Variants in FAM135B observed in about 807,000 individuals in gnomAD.
FAM135B encodes family with sequence similarity 135 member B, also known as protein FAM135B.
Under a neutral mutation model 127.7 loss-of-function variants are expected in FAM135B, and 43 were observed. That is an observed-to-expected ratio of 0.34 (90% CI 0.26 to 0.43). The LOEUF (loss-of-function observed/expected upper bound fraction) is 0.43, where lower values mean the gene tolerates loss of function less well. FAM135B is among the 20% of genes least tolerant of loss of function. The pLI is 1.00. For missense variants in FAM135B, 1,558 were observed against 1,725.6 expected, an observed-to-expected ratio of 0.90 and a Z score of 1.72; for synonymous variants, 670 against 665.1, an observed-to-expected ratio of 1.01 and a Z score of -0.11.
chr8:138,246,513 G>C (rs1049789594), intron 6 of FAM135B, among the ~76,000 whole-genome samples: 2 of 152,184 alleles, frequency 1.3e-5, no homozygotes, highest in African/African-American at 2.4e-5. Context: ...TTGATGTTGA[G>C]CCTGCAGGTG....
At chr8:138,217,532 A>T (rs998209180) in intron 7 of FAM135B, among the ~76,000 whole-genome samples, 1 of 148,964 alleles carries the variant, frequency 6.7e-6, no homozygotes, top group East Asian at 2.0e-4. Context: ...CCAGGTTCAC[A>T]CCATTCTCCT....
At chr8:138,390,448 C>T (rs141920094) in intron 1 of FAM135B, among the ~76,000 whole-genome samples, 558 of 152,088 alleles carry the variant, frequency 3.7e-3, no homozygotes, top group Non-Finnish European at 5.8e-3. Context: ...TGAGGCCTCC[C>T]CACCCACATG....
chr8:138,363,590 A>G (rs1012682093), intron 2 of FAM135B, among the ~76,000 whole-genome samples: 2 of 152,164 alleles, frequency 1.3e-5, no homozygotes, highest in Admixed American at 6.5e-5. Flanking sequence ...GTGTCAGTCC[A>G]TATAGACTTT....
intron 6 of FAM135B, among the ~76,000 whole-genome samples, chr8:138,246,439 G>C (rs1011308570): frequency 6.6e-6 from 1 of 152,200 alleles, no homozygotes; most frequent in South Asian, 2.1e-4. Flanking sequence ...GGCTAAAAGG[G>C]GCCAAGGTAT....
chr8:138,195,188 G>T, intron 9 of FAM135B, 70 bp downstream of exon 9: 1 of 1,475,114 alleles, frequency 6.8e-7, no homozygotes, highest in Non-Finnish European at 9.4e-7. Context: ...TTTACAGCAA[G>T]CAAGCAACTG....
intron 6 of FAM135B, 32 bp downstream of exon 6, chr8:138,250,809 C>G (rs1473780909): frequency 6.2e-7 from 1 of 1,609,020 alleles, no homozygotes; most frequent in African/African-American, 1.3e-5. Context: ...AAGGTGGCTC[C>G]CACATATCAG....
At chr8:138,200,330 T>C (rs1441769623) in intron 7 of FAM135B, among the ~76,000 whole-genome samples, 2 of 152,206 alleles carry the variant, frequency 1.3e-5, no homozygotes, top group African/African-American at 4.8e-5. Context: ...TTCACATTTC[T>C]ACAACTTTCC....
chr8:138,319,088 T>G (rs977223262), intron 2 of FAM135B, among the ~76,000 whole-genome samples: 6 of 318 alleles, frequency 0.019, no homozygotes, highest in South Asian at 0.25. Flanking sequence ...ATCTACAAGT[T>G]TTTTTTTTTT....
intron 1 of FAM135B, among the ~76,000 whole-genome samples, chr8:138,390,116 T>G (rs559735549): frequency 6.6e-6 from 1 of 152,324 alleles, no homozygotes; most frequent in Non-Finnish European, 1.5e-5. Flanking sequence ...ATGGAATATT[T>G]GGGGACATAC....
At chr8:138,255,772 T>C (rs2130534173) in intron 5 of FAM135B, among the ~76,000 whole-genome samples, 1 of 152,276 alleles carries the variant, frequency 6.6e-6, no homozygotes, top group South Asian at 2.1e-4. Context: ...GCAGTCTCTT[T>C]CTAAGGAATT....
chr8:138,375,173 G>A (rs1026174735), intron 1 of FAM135B, among the ~76,000 whole-genome samples: 1 of 152,188 alleles, frequency 6.6e-6, no homozygotes, highest in African/African-American at 2.4e-5. Flanking sequence ...CTGAGCCAGG[G>A]ACTAGCAGAA....
chr8:138,459,828 CTG>C (rs1259957813), intron 1 of FAM135B, among the ~76,000 whole-genome samples: 2 of 152,192 alleles, frequency 1.3e-5, no homozygotes. Flanking sequence ...CTCTGAAAGT[CTG>C]TGAGTCACTT....
intron 1 of FAM135B, among the ~76,000 whole-genome samples, chr8:138,378,417 G>T (rs2131272504): frequency 6.6e-6 from 1 of 152,334 alleles, no homozygotes; most frequent in East Asian, 1.9e-4. Context: ...CCAACTGCAA[G>T]TTGCTTTGGA....
intron 2 of FAM135B, among the ~76,000 whole-genome samples, chr8:138,314,878 T>C (rs1183036378): frequency 5.7e-4 from 27 of 46,990 alleles, no homozygotes; most frequent in South Asian, 8.3e-4. Flanking sequence ...AGACCTTACC[T>C]CAAAAAAAAA....
chr8:138,218,788 G>GAA (rs1275296654), intron 7 of FAM135B, among the ~76,000 whole-genome samples: 1 of 111,594 alleles, frequency 9.0e-6, no homozygotes, highest in East Asian at 2.9e-4. Flanking sequence ...GAGAGAGAGA[G>GAA]AGAGAGAGAG....
Position 138,151,212 on chromosome 8 carries a change from A to T in FAM135B, c.3263T>A (p.Val1088Asp), listed in dbSNP as rs2130720305. The change falls in exon 13 of 20, where the codon GTC becomes GAC. Residue 1088 changes from valine (V) to aspartate (D), a missense_variant. By Grantham distance (152) the Val-to-Asp change is radical. Coordinates refer to ENST00000395297, the MANE Select transcript of FAM135B (RefSeq NM_015912.4). ...STHSSTLDEE[V>D]SERMFSFYQA... ...AGCTTACCTAAACATCCTCTCACTGACTTCCTCATCCAACGTGCTGGAATG... is the reference window on the plus strand; with the variant it reads ...AGCTTACCTAAACATCCTCTCACTGTCTTCCTCATCCAACGTGCTGGAATG... The T allele has an allele frequency of 6.5e-7, 1 of 1,539,448 alleles. No individual in the cohort carries two copies. Among genetic ancestry groups the T allele is most frequent in the African/African-American group, 1.4e-5 (1 of 72,450 alleles).
At chr8:138,136,585 T>C (rs1438783172) in intron 19 of FAM135B, among the ~76,000 whole-genome samples, 1 of 152,128 alleles carries the variant, frequency 6.6e-6, no homozygotes, top group Admixed American at 6.6e-5. Flanking sequence ...GCTAAAAACA[T>C]GTTTTTAAAA....
At chr8:138,450,861 T>G (rs1276529746) in intron 1 of FAM135B, 1 of 152,200 alleles carries the variant, frequency 6.6e-6, no homozygotes, top group Non-Finnish European at 1.5e-5. Flanking sequence ...GCTGTCTGTG[T>G]CCTAGACACT....
intron 1 of FAM135B, among the ~76,000 whole-genome samples, chr8:138,402,836 GTAAAGCCCTAACCCCTGA>G (rs1446408175): frequency 6.6e-6 from 1 of 152,184 alleles, no homozygotes; most frequent in Non-Finnish European, 1.5e-5. Context: ...AATTCACATG[GTAAAGCCCTAACCCCTGA>G]TGTGATGGTT....
Sources: gnomAD v4.1 joint callset for allele counts (sites outside exome capture counted in the v4.1 genomes callset) on GRCh38, gnomAD v4.1.1 for gene constraint, MANE v1.5 for transcripts, NCBI Gene and HGNC (gene_info 2026-07-23, HGNC 2026-07-21) for gene names.